Variants in CMIP observed in about 807,000 individuals in gnomAD.
CMIP encodes c-Maf inducing protein.
In CMIP, 13 loss-of-function variants were observed where a neutral mutation model predicts 97.3. The ratio of observed to expected loss-of-function variants is 0.13; its 90% CI spans 0.09 to 0.21. The LOEUF is 0.21. Among genes scored for constraint, CMIP ranks in the 10% least tolerant of loss-of-function variants. The pLI is 1.00. For synonymous variants in CMIP, 538 were observed against 436.3 expected (o/e 1.23, Z -2.91); for missense variants, 847 against 1,024.9 (o/e 0.83, Z 2.37).
intron 1 of CMIP, among the ~76,000 whole-genome samples, chr16:81,596,626 A>G (rs1477615493): frequency 1.3e-5 from 2 of 152,176 alleles, no homozygotes; most frequent in Non-Finnish European, 1.5e-5. Context: ...CAACAGCCAG[A>G]ATCCAGACCT....
At chr16:81,684,741 G>A (rs531144255) in intron 10 of CMIP, among the ~76,000 whole-genome samples, 1 of 152,368 alleles carries the variant, frequency 6.6e-6, no homozygotes, top group South Asian at 2.1e-4. Context: ...CCTGAGGCAT[G>A]TTGGGGTCAG....
chr16:81,685,151 T>A lies in CMIP; in HGVS notation c.1388+6523T>A, dbSNP rs190167406. Among the ~76,000 whole-genome samples, 34 of 152,316 alleles carry A rather than the reference T, an allele frequency of 2.2e-4. No homozygotes were observed. In the East Asian group the frequency reaches 6.4e-3, roughly 29 times the overall value. ...CATTCATCCACCAACCTGGTCCGAC[T>A]GGGGTCACAGACTTCCAAGCTGGTC... On this transcript the variant is annotated intron_variant, in intron 10 of 20. Transcript: ENST00000537098.
In CMIP at chr16:81,699,669, C is replaced by A. The variant is rs373996785; in HGVS notation, c.1639-16C>A. On this transcript the variant is annotated splice_polypyrimidine_tract_variant and intron_variant, in intron 14 of 20. Transcript: ENST00000537098. Reference sequence around the variant, plus strand: ...GGGTGTCTCTGTCCCTTCACCTGGGCCTTCTTGCCTCACAGGTGCACATCC... The same window carrying A: ...GGGTGTCTCTGTCCCTTCACCTGGGACTTCTTGCCTCACAGGTGCACATCC... The A allele has an allele frequency of 2.0e-5, 31 of 1,549,230 alleles. No individual in the cohort carries two copies. In the African/African-American group the frequency reaches 2.4e-4, roughly 12 times the overall value.
chr16:81,709,629 CA>C, intron 20 of CMIP, 116 bp from the exon 21 acceptor site: 1 of 1,156,082 alleles, frequency 8.6e-7, no homozygotes, highest in African/African-American at 1.5e-5. Flanking sequence ...CCCACAGCAC[CA>C]AGGTGGGGAG....
chr16:81,525,817 G>A (rs545406395), intron 1 of CMIP, among the ~76,000 whole-genome samples: 12 of 152,262 alleles, frequency 7.9e-5, no homozygotes, highest in African/African-American at 2.4e-4. Context: ...TGCTTTCTGT[G>A]TGTATGCATT....
chr16:81,487,825 G>T (rs1299922183), intron 1 of CMIP, among the ~76,000 whole-genome samples: 1 of 152,174 alleles, frequency 6.6e-6, no homozygotes, highest in Non-Finnish European at 1.5e-5. Flanking sequence ...AGCAGCTTCA[G>T]GGGGCTTAGC....
At chr16:81,642,918 T>G (rs2092322992) in intron 3 of CMIP, among the ~76,000 whole-genome samples, 1 of 151,866 alleles carries the variant, frequency 6.6e-6, no homozygotes, top group Non-Finnish European at 1.5e-5. Flanking sequence ...AAGAAAGAAA[T>G]TGCAGCGTAT....
intron 1 of CMIP, among the ~76,000 whole-genome samples, chr16:81,506,073 G>A (rs2089703693): frequency 6.6e-6 from 1 of 152,230 alleles, no homozygotes; most frequent in African/African-American, 2.4e-5. Context: ...ACATTGCTGA[G>A]CAGTTTACAC....
intron 1 of CMIP, among the ~76,000 whole-genome samples, chr16:81,544,080 A>G (rs1421607062): frequency 1.3e-5 from 2 of 152,194 alleles, no homozygotes; most frequent in African/African-American, 4.8e-5. Context: ...ATCAGCCCAG[A>G]AGAGGGGAAA....
intron 2 of CMIP, among the ~76,000 whole-genome samples, chr16:81,609,642 TG>T (rs1458380992): frequency 1.3e-5 from 2 of 152,148 alleles, no homozygotes; most frequent in Non-Finnish European, 2.9e-5. Flanking sequence ...TTATTTGGCC[TG>T]GGGGGCCAAA....
At chr16:81,524,977 G>T (rs1157134896) in intron 1 of CMIP, among the ~76,000 whole-genome samples, 1 of 151,722 alleles carries the variant, frequency 6.6e-6, no homozygotes, top group East Asian at 1.9e-4. Flanking sequence ...TGTATTTTTA[G>T]TAGAGATGGG....
chr16:81,651,274 G>C (rs571189683), intron 3 of CMIP: 9 of 197,324 alleles, frequency 4.6e-5, no homozygotes, highest in Non-Finnish European at 6.4e-5. Flanking sequence ...GAGCCCGGGC[G>C]GGGGTGGAGG....
chr16:81,452,411 G>A (rs1006576481), intron 1 of CMIP, among the ~76,000 whole-genome samples: 2 of 152,162 alleles, frequency 1.3e-5, no homozygotes, highest in Admixed American at 6.5e-5. Flanking sequence ...AAGTGTCACC[G>A]TTCTAGGCAC....
intron 1 of CMIP, among the ~76,000 whole-genome samples, chr16:81,590,190 G>T (rs905394999): frequency 1.3e-5 from 2 of 152,158 alleles, no homozygotes; most frequent in Non-Finnish European, 2.9e-5. Context: ...CTGAGCCTCC[G>T]TTTCCCTCTG....
At chr16:81,536,341 T>C (rs1273934987) in intron 1 of CMIP, among the ~76,000 whole-genome samples, 1 of 152,166 alleles carries the variant, frequency 6.6e-6, no homozygotes, top group African/African-American at 2.4e-5. Flanking sequence ...GGGTGTGCCC[T>C]GGATGGACCC....
At chr16:81,705,434 C>G in intron 18 of CMIP, 65 bp from the exon 19 acceptor site, 3 of 1,194,246 alleles carry the variant, frequency 2.5e-6, no homozygotes, top group Non-Finnish European at 3.6e-6. Context: ...CCACCTCTGC[C>G]CCAGCCTCAG....
intron 1 of CMIP, among the ~76,000 whole-genome samples, chr16:81,571,603 A>G (rs2091089734): frequency 6.6e-6 from 1 of 151,498 alleles, no homozygotes; most frequent in Admixed American, 6.6e-5. Flanking sequence ...AAAAAAAAAA[A>G]AAAAAAAATT....
At chr16:81,552,503 T>C (rs2090678606) in intron 1 of CMIP, among the ~76,000 whole-genome samples, 2 of 152,186 alleles carry the variant, frequency 1.3e-5, no homozygotes, top group South Asian at 4.1e-4. Context: ...CTTTTTCAGC[T>C]TCTAGAGGCC....
chr16:81,605,817 C>A (rs2091734547), intron 1 of CMIP, among the ~76,000 whole-genome samples: 1 of 152,252 alleles, frequency 6.6e-6, no homozygotes, highest in African/African-American at 2.4e-5. Context: ...CACTAAGCTC[C>A]TGTCTTATTC....
Sources: gnomAD v4.1 joint callset for allele counts (sites outside exome capture counted in the v4.1 genomes callset) on GRCh38, gnomAD v4.1.1 for gene constraint, MANE v1.5 for transcripts, NCBI Gene and HGNC (gene_info 2026-07-23, HGNC 2026-07-21) for gene names.